Variants in SCN1A observed in about 807,000 individuals in gnomAD.
SCN1A encodes sodium voltage-gated channel alpha subunit 1, also known as sodium channel protein type 1 subunit alpha.
A neutral mutation model predicts 193.7 loss-of-function variants in SCN1A; 13 were observed. The observed-to-expected ratio is 0.07, with a 90% CI of 0.04 to 0.11. The LOEUF is 0.11. SCN1A is among the 10% of genes least tolerant of loss of function. The pLI, the probability that SCN1A is intolerant of heterozygous loss-of-function variation, is 1.00. For missense variants in SCN1A, 1,432 were observed against 2,451.1 expected, an observed-to-expected ratio of 0.58 and a Z score of 8.78; for synonymous variants, 781 against 843.6, an observed-to-expected ratio of 0.93 and a Z score of 1.29.
chr2:166,126,187 G>A (rs190407872), intron 2 of SCN1A, among the ~76,000 whole-genome samples: 143 of 152,140 alleles, frequency 9.4e-4, no homozygotes, highest in African/African-American at 3.2e-3. Context: ...ATTCATTCCT[G>A]TCTACACATT....
At chr2:166,142,029 A>G (rs1692108635) in intron 1 of SCN1A, among the ~76,000 whole-genome samples, 1 of 152,164 alleles carries the variant, frequency 6.6e-6, no homozygotes, top group South Asian at 2.1e-4. Flanking sequence ...AATTTCTCTG[A>G]GGCATTTATG....
At chr2:166,029,828 C>T (rs1188943988) in intron 19 of SCN1A, among the ~76,000 whole-genome samples, 1 of 152,080 alleles carries the variant, frequency 6.6e-6, no homozygotes, top group Non-Finnish European at 1.5e-5. Flanking sequence ...CAGCTTTAAA[C>T]TCAGAAGGGG....
chr2:166,074,401 A>G (rs569513621), intron 3 of SCN1A, among the ~76,000 whole-genome samples: 1 of 152,318 alleles, frequency 6.6e-6, no homozygotes, highest in African/African-American at 2.4e-5. Flanking sequence ...GGTGCAGGAG[A>G]CAGCAGGAGT....
intron 1 of SCN1A, among the ~76,000 whole-genome samples, chr2:166,135,668 T>C (rs893704746): frequency 2.0e-5 from 3 of 152,198 alleles, no homozygotes; most frequent in African/African-American, 7.2e-5. Flanking sequence ...CTAGGCCAAA[T>C]AATGGACAGA....
intron 28 of SCN1A, chr2:165,993,767 T>C (rs1689619590): frequency 3.8e-6 from 1 of 260,178 alleles, no homozygotes; most frequent in Admixed American, 4.8e-5. Context: ...TGACTCCATG[T>C]CTATTCTCTA....
intron 19 of SCN1A, among the ~76,000 whole-genome samples, chr2:166,019,535 C>T (rs1319083090): frequency 1.3e-5 from 2 of 152,020 alleles, no homozygotes; most frequent in Non-Finnish European, 2.9e-5. Flanking sequence ...TTTTTGTTTA[C>T]TTTTACTTAT....
intron 21 of SCN1A, among the ~76,000 whole-genome samples, chr2:166,012,756 T>C (rs1692698607): frequency 6.6e-6 from 1 of 150,496 alleles, no homozygotes; most frequent in South Asian, 2.1e-4. Flanking sequence ...TCTTTTTTGT[T>C]GTTGTTTGTT....
At chr2:166,023,837 G>A (rs922507549) in intron 19 of SCN1A, among the ~76,000 whole-genome samples, 6 of 151,600 alleles carry the variant, frequency 4.0e-5, no homozygotes, top group Non-Finnish European at 5.9e-5. Context: ...GTGCAATGGC[G>A]CAATCTCGGC....
intron 2 of SCN1A, among the ~76,000 whole-genome samples, chr2:166,112,242 C>A (rs1012448801): frequency 1.3e-5 from 2 of 152,176 alleles, no homozygotes; most frequent in Non-Finnish European, 2.9e-5. Context: ...GTCATCTCAA[C>A]CTTCAGCAAC....
At chr2:166,114,519 G>A (rs1015332834) in intron 2 of SCN1A, among the ~76,000 whole-genome samples, 1 of 152,160 alleles carries the variant, frequency 6.6e-6, no homozygotes, top group Non-Finnish European at 1.5e-5. Context: ...TGTGTGTACT[G>A]CATGGACTTT....
chr2:165,988,639 A>G lies in SCN1A; in HGVS notation c.*2606T>C, dbSNP rs753684806. 2.6e-5 allele frequency: 4 copies of G among 152,194 alleles called. No individual in the cohort carries two copies. The highest frequency in any genetic ancestry group is 4.4e-5 in the Non-Finnish European group (3 of 68,090). The allele number at this position is 152,194 out of a possible 1,614,324, so 9.4% of individuals were successfully genotyped here. On this transcript the variant is annotated 3_prime_UTR_variant, in exon 29 of 29. Transcript: ENST00000674923. ...AATCTTCTCTCTCTGGTGCTTTCCC[A>G]CTGGTGCTTCTCATTGGCCAAACCA...
intron 2 of SCN1A, among the ~76,000 whole-genome samples, chr2:166,098,823 A>G (rs916618085): frequency 2.0e-5 from 3 of 152,208 alleles, no homozygotes; most frequent in African/African-American, 7.2e-5. Flanking sequence ...AGATCTCTAC[A>G]ACAAGAATTA....
intron 2 of SCN1A, among the ~76,000 whole-genome samples, chr2:166,116,729 ATTC>A (rs767727221): frequency 6.6e-6 from 1 of 152,142 alleles, no homozygotes; most frequent in Non-Finnish European, 1.5e-5. Flanking sequence ...GAAACAAAAA[ATTC>A]TTCTTTATAA....
At chr2:166,147,345 A>G (rs6745779) in intron 1 of SCN1A, among the ~76,000 whole-genome samples, 122,460 of 151,726 alleles carry the variant, frequency 0.81, 50,026 homozygotes, top group African/African-American at 0.94. Context: ...AAAGATATAT[A>G]TGGTAGAATC....
chr2:166,023,767 GA>G (rs200462714), intron 19 of SCN1A, among the ~76,000 whole-genome samples: 2 of 147,740 alleles, frequency 1.4e-5, no homozygotes, highest in African/African-American at 5.0e-5. Flanking sequence ...CTAAAAAAAA[GA>G]AAAAAAAATG....
chr2:165,991,477 C>T lies in SCN1A; in HGVS notation c.5798G>A (p.Arg1933Gln), dbSNP rs556893466. Residue 1933 changes from arginine to glutamine, a missense_variant, in exon 29 of 29, where the codon CGA becomes CAA. This residue lies in a region of SCN1A where 148 missense variants were observed against 160.3 expected (regional missense o/e 0.92). Coordinates refer to ENST00000674923, the MANE Select transcript of SCN1A (RefSeq NM_001165963.4). ...CGTAAAGGAAGCTTGTTTTACAGTT[C>T]GCTTTAAAAGGTGGCGTCTGTAAGC... is the stretch of plus-strand genomic sequence containing the variant. ...QRAYRRHLLKRTVKQASFTYN... is the reference protein window; with the variant it reads ...QRAYRRHLLKQTVKQASFTYN... 20 of 1,613,658 alleles carry T rather than the reference C, an allele frequency of 1.2e-5. No individual in the cohort carries two copies. The highest frequency in any genetic ancestry group is 1.6e-5 in the Non-Finnish European group (19 of 1,179,848).
At chr2:166,125,311 AGGCTTT>A (rs1157985836) in intron 2 of SCN1A, among the ~76,000 whole-genome samples, 1 of 152,200 alleles carries the variant, frequency 6.6e-6, no homozygotes, top group East Asian at 1.9e-4. Context: ...GGAAGAGAGT[AGGCTTT>A]GTGCCCTTTG....
chr2:166,078,932 AT>A (rs1685231203), intron 2 of SCN1A, among the ~76,000 whole-genome samples: 1 of 151,630 alleles, frequency 6.6e-6, no homozygotes, highest in Admixed American at 6.6e-5. Flanking sequence ...TAAGTTTTAA[AT>A]TTATGTTTAG....
At chr2:166,041,580 G>A in intron 15 of SCN1A, 111 bp from the exon 16 acceptor site, 1 of 788,132 alleles carries the variant, frequency 1.3e-6, no homozygotes, top group Non-Finnish European at 2.1e-6. Flanking sequence ...TTTTGTTACA[G>A]AGACAACCTT....
Sources: allele counts gnomAD v4.1 joint callset (sites outside exome capture counted in the v4.1 genomes callset), GRCh38; gene constraint gnomAD v4.1.1; regional missense constraint gnomAD v4.1.1; transcripts MANE v1.5; gene names NCBI Gene and HGNC (gene_info 2026-07-23, HGNC 2026-07-21).